SLC11A1: variants seen among roughly 807,000 people sequenced by gnomAD.
SLC11A1 encodes the protein natural resistance-associated macrophage protein 1.
In SLC11A1, 59 loss-of-function variants were observed where a neutral mutation model predicts 63.2. The ratio of observed to expected loss-of-function variants is 0.93; its 90% CI spans 0.76 to 1.16. SLC11A1 has a LOEUF of 1.16. Among genes scored for constraint, SLC11A1 ranks in the 50% most tolerant of loss-of-function variants. SLC11A1 has a pLI of 0.00. For synonymous variants in SLC11A1, 305 were observed against 307.8 expected, an observed-to-expected ratio of 0.99 and a Z score of 0.09; for missense variants, 688 against 730.7, an observed-to-expected ratio of 0.94 and a Z score of 0.67.
At chr2:218,391,612 T>TTTTTTG (rs1251528843) in intron 11 of SLC11A1, 117 bp downstream of exon 11, 8 of 1,284,062 alleles carry the variant, frequency 6.2e-6, no homozygotes, top group African/African-American at 3.0e-5. Context: ...TTCTTCCTTT[T>TTTTTTG]TTTTTGTTTT....
intron 11 of SLC11A1, chr2:218,392,209 T>C (rs1016352168): frequency 3.8e-5 from 11 of 292,882 alleles, no homozygotes; most frequent in Middle Eastern, 1.3e-3. Flanking sequence ...CAGCTGGGAT[T>C]ACAGGCCACC....
rs1012016441 is a variant in SLC11A1 at position 218,386,664 on chromosome 2, C to T, written c.423C>T (p.Ile141=). 2.5e-6 allele frequency: 4 copies of T among 1,614,006 alleles called. No homozygotes were observed. The highest frequency in any genetic ancestry group is 2.5e-6 in the Non-Finnish European group (3 of 1,179,958). ...CCCGCACCGTCCTCTGGCTGACCAT[C>T]GAGCTAGCCATTGTGGGCTCCGACA... ...KVPRTVLWLT[I]ELAIVGSDMQ... Residue 141 remains isoleucine (I), a synonymous_variant, in exon 5 of 15, where the codon ATC becomes ATT. Coordinates refer to ENST00000233202, the MANE Select transcript of SLC11A1 (RefSeq NM_000578.4).
Position 218,392,990 on chromosome 2 carries a change from A to G in SLC11A1, c.1174A>G (p.Arg392Gly). The change falls in exon 12 of 15, where the codon AGG becomes GGG. Residue 392 changes from arginine (R) to glycine (G), a missense_variant. By Grantham distance (125) the Arg-to-Gly change is moderately radical. Transcript: ENST00000233202. ...TTCACCCCCACCCCAGGGCTTCCTG[A>G]GGCTGCGGTGGTCACGCTTCGCCCG... Reference protein sequence around the residue: ...AGQFVMEGFLRLRWSRFARVL... With the variant: ...AGQFVMEGFLGLRWSRFARVL... The G allele has an allele frequency of 1.3e-6, 2 of 1,591,756 alleles. No individual in the cohort carries two copies. Among genetic ancestry groups the G allele is most frequent in the African/African-American group, 1.4e-5 (1 of 74,034 alleles).
chr2:218,389,479 TG>T (rs1696301216), intron 8 of SLC11A1, among the ~76,000 whole-genome samples: 1 of 151,610 alleles, frequency 6.6e-6, no homozygotes, highest in Non-Finnish European at 1.5e-5. Context: ...CTTGGGCCCA[TG>T]AGTTGGAGGC....
rs920746707 is a variant in SLC11A1, at chr2:218,384,159, G to T, written c.151-84G>T. On this transcript the variant is annotated intron_variant, in intron 2 of 14. Coordinates refer to ENST00000233202, the MANE Select transcript of SLC11A1 (RefSeq NM_000578.4). The surrounding 1 kb of genome is among the most constrained non-coding windows in gnomAD (Gnocchi z 4.0). Reference sequence around the variant, plus strand: ...GGGCTGGGCTGATGAGCCTGTTGGGGCTCCTCTAGGGGATGGCCAAGGCCA... The same window carrying T: ...GGGCTGGGCTGATGAGCCTGTTGGGTCTCCTCTAGGGGATGGCCAAGGCCA... The T allele has an allele frequency of 1.3e-4, 190 of 1,408,796 alleles. 1 individual carries two copies. Among genetic ancestry groups the T allele is most frequent in the Middle Eastern group, 1.1e-3 (4 of 3,728 alleles). 87.3% of individuals were successfully genotyped at this position (1,408,796 alleles called of 1,614,324 possible).
Position 218,389,878 on chromosome 2 carries a change from G to GA in SLC11A1, c.805dup (p.Ile269AsnfsTer19), listed in dbSNP as rs1276930312. The stretch of plus-strand genomic sequence containing the variant: ...CCCTTTGATCTTCGTAGTCTCGAGA[G>GA]ATAGACCGGGCCCGCCGAGCAGACA... On this transcript the variant is annotated frameshift_variant, in exon 9 of 15. Transcript: ENST00000233202. LOFTEE classifies it high-confidence loss of function. 1.2e-6 allele frequency: 2 copies of GA among 1,610,762 alleles called. No individual in the cohort carries two copies.
chr2:218,389,968 C>T lies in SLC11A1; in HGVS notation c.894C>T (p.Ile298=), dbSNP rs1696336128. Residue 298 remains isoleucine, a synonymous_variant, in exon 9 of 15, where the codon ATC becomes ATT. Transcript: ENST00000233202. ...ATIALSVSFI[I]NLFVMAVFGQ... Reference sequence around the variant, plus strand: ...TCGCCCTGTCCGTCTCCTTTATCATCAACCTCTTTGTCATGGCTGTCTTTG... The same window carrying T: ...TCGCCCTGTCCGTCTCCTTTATCATTAACCTCTTTGTCATGGCTGTCTTTG... 2 of 1,614,086 alleles carry T rather than the reference C, an allele frequency of 1.2e-6. No individual in the cohort carries two copies. The highest frequency in any genetic ancestry group is 1.7e-6 in the Non-Finnish European group (2 of 1,179,976).
At chr2:218,382,526 TGGACACC>T in intron 1 of SLC11A1, 151 bp downstream of exon 1, 2 of 785,584 alleles carry the variant, frequency 2.5e-6, no homozygotes, top group Non-Finnish European at 4.2e-6. Context: ...AACACAGTTC[TGGACACC>T]AGACTCAATC....
intron 7 of SLC11A1, 36 bp downstream of exon 7, chr2:218,387,668 C>T (rs776985037): frequency 6.2e-7 from 1 of 1,613,364 alleles, no homozygotes. Context: ...CTGTGGACCT[C>T]CCAAGATCAT....
chr2:218,386,244 G>A (rs77316849), intron 4 of SLC11A1, among the ~76,000 whole-genome samples: 1 of 152,114 alleles, frequency 6.6e-6, no homozygotes, highest in Non-Finnish European at 1.5e-5. Context: ...CCTGAGGTCG[G>A]GAGTTCGAGA....
chr2:218,392,714 G>A, intron 11 of SLC11A1: 1 of 401,754 alleles, frequency 2.5e-6, no homozygotes. Flanking sequence ...GACAGATGAG[G>A]TGACTTGCTG....
rs1696450019 is a variant in SLC11A1, at chr2:218,391,511, G to T, written c.1164+16G>T. 1 of 1,566,222 alleles carries T rather than the reference G, an allele frequency of 6.4e-7. No individual in the cohort carries two copies. The highest frequency in any genetic ancestry group is 8.7e-7 in the Non-Finnish European group (1 of 1,155,826). ...CGTGATGGAGGTAGGGCAGGGGGCG[G>T]GCCCAGGAGGGCAAGGGGTCCAAGG... On this transcript the variant is annotated intron_variant, in intron 11 of 14. Coordinates refer to ENST00000233202, the MANE Select transcript of SLC11A1 (RefSeq NM_000578.4).
chr2:218,387,109 G>A lies in SLC11A1; in HGVS notation c.501-51G>A. The A allele has an allele frequency of 1.9e-6, 3 of 1,547,840 alleles. No homozygotes were observed. In the East Asian group the frequency reaches 6.7e-5, roughly 35 times the overall value. On this transcript the variant is annotated intron_variant, in intron 5 of 14. Transcript: ENST00000233202. ...TCTCCAGCCCTGAGGCTCCGTAGGA[G>A]TTAGAGACCCCTGGACCAGGCTGGG...
chr2:218,389,792 C>A, intron 8 of SLC11A1, 78 bp from the exon 9 acceptor site: 1 of 1,470,864 alleles, frequency 6.8e-7, no homozygotes, highest in Non-Finnish European at 9.2e-7. Context: ...TTGGGGAGAA[C>A]ATAGAAGTGT....
rs760437105 is a variant in SLC11A1 at position 218,391,484 on chromosome 2, T to A, written c.1153T>A (p.Phe385Ile). ...STMTGTYAGQ[F>I]VMEGFLRLRW... ...CATGACGGGCACCTACGCGGGACAGTTCGTGATGGAGGTAGGGCAGGGGGC... is the reference window on the plus strand; with the variant it reads ...CATGACGGGCACCTACGCGGGACAGATCGTGATGGAGGTAGGGCAGGGGGC... Residue 385 changes from phenylalanine to isoleucine, a missense_variant, in exon 11 of 15, where the codon TTC (phenylalanine) becomes ATC (isoleucine). Coordinates refer to ENST00000233202, the MANE Select transcript of SLC11A1 (RefSeq NM_000578.4). 2 of 1,597,944 alleles carry A rather than the reference T, an allele frequency of 1.3e-6. No individual in the cohort carries two copies. Among genetic ancestry groups the A allele is most frequent in the Non-Finnish European group, 1.7e-6 (2 of 1,172,632 alleles).
intron 2 of SLC11A1, chr2:218,383,933 C>G (rs1172163934): frequency 5.1e-6 from 1 of 195,190 alleles, no homozygotes; most frequent in African/African-American, 2.3e-5. Context: ...GCCCCCTCAC[C>G]CCCTTAGACA....
At chr2:218,394,815 A>G in intron 14 of SLC11A1, 30 bp downstream of exon 14, 1 of 1,610,110 alleles carries the variant, frequency 6.2e-7, no homozygotes, top group Non-Finnish European at 8.5e-7. Context: ...TGCCTTGGGA[A>G]TGGATGAGGG....
intron 5 of SLC11A1, 121 bp downstream of exon 5, chr2:218,386,862 G>A: frequency 2.6e-6 from 2 of 756,496 alleles, no homozygotes; most frequent in African/African-American, 1.7e-5. Context: ...AAGCAGGGCT[G>A]CTGCCCTGTT....
intron 8 of SLC11A1, chr2:218,388,221 A>C: frequency 2.6e-6 from 1 of 377,794 alleles, no homozygotes; most frequent in Non-Finnish European, 4.8e-6. Flanking sequence ...TACAAAAACT[A>C]GCTGGGCGTG....
Sources: allele counts gnomAD v4.1 joint callset (sites outside exome capture counted in the v4.1 genomes callset), GRCh38; gene constraint gnomAD v4.1.1; non-coding constraint Gnocchi (gnomAD v3.1); transcripts MANE v1.5; gene names NCBI Gene and HGNC (gene_info 2026-07-23, HGNC 2026-07-21).